DOCK3: variants seen among roughly 807,000 people sequenced by gnomAD.
The protein encoded by DOCK3 is dedicator of cytokinesis protein 3.
In DOCK3, 60 loss-of-function variants were observed where a neutral mutation model predicts 265.6. That is an observed-to-expected ratio of 0.23 (90% confidence interval 0.18 to 0.28). DOCK3 has a LOEUF of 0.28. DOCK3 is among the 10% of genes least tolerant of loss of function. DOCK3 has a pLI of 1.00. For synonymous variants in DOCK3, 881 were observed against 938.0 expected (o/e 0.94, Z 1.11); for missense variants, 1,981 against 2,594.3 (o/e 0.76, Z 5.14).
intron 1 of DOCK3, among the ~76,000 whole-genome samples, chr3:50,697,937 C>G (rs1197777917): frequency 6.6e-6 from 1 of 151,968 alleles, no homozygotes; most frequent in Non-Finnish European, 1.5e-5. Flanking sequence ...AAAATTTATT[C>G]TCATAGTAAG....
intron 5 of DOCK3, among the ~76,000 whole-genome samples, chr3:51,056,243 T>A (rs2081196895): frequency 6.6e-6 from 1 of 152,092 alleles, no homozygotes; most frequent in Admixed American, 6.6e-5. Flanking sequence ...TTTATTATTA[T>A]TATTTTTATT....
chr3:50,961,583 A>C (rs927633646), intron 5 of DOCK3, among the ~76,000 whole-genome samples: 43 of 152,368 alleles, frequency 2.8e-4, no homozygotes, highest in African/African-American at 1.0e-3. Flanking sequence ...GACTTATTCC[A>C]GGAACAAAGA....
At chr3:50,740,088 T>A (rs938866951) in intron 1 of DOCK3, among the ~76,000 whole-genome samples, 3 of 152,284 alleles carry the variant, frequency 2.0e-5, no homozygotes, top group Non-Finnish European at 2.9e-5. Context: ...TTGCATCTTC[T>A]AAGATCTTAT....
chr3:51,195,481 C>T (rs1191144448), intron 12 of DOCK3, among the ~76,000 whole-genome samples: 3 of 149,736 alleles, frequency 2.0e-5, no homozygotes, highest in Non-Finnish European at 4.5e-5. Context: ...GTGGTGAGAT[C>T]TCGGCTCACT....
chr3:50,977,697 C>A (rs2077511540), intron 5 of DOCK3, among the ~76,000 whole-genome samples: 1 of 152,120 alleles, frequency 6.6e-6, no homozygotes, highest in South Asian at 2.1e-4. Context: ...GCCTGCCTTG[C>A]TAGATTGGGG....
intron 12 of DOCK3, among the ~76,000 whole-genome samples, chr3:51,191,472 T>C (rs1201531802): frequency 6.6e-6 from 1 of 152,126 alleles, no homozygotes; most frequent in African/African-American, 2.4e-5. Context: ...TCGTCACCAC[T>C]CCGTAAATCA....
chr3:50,935,935 A>G (rs2051335005), intron 5 of DOCK3, among the ~76,000 whole-genome samples: 1 of 152,222 alleles, frequency 6.6e-6, no homozygotes, highest in Non-Finnish European at 1.5e-5. Context: ...ATTACTTGTC[A>G]TATGAAAAAT....
intron 16 of DOCK3, 66 bp downstream of exon 16, chr3:51,227,511 A>C: frequency 2.5e-6 from 4 of 1,592,134 alleles, no homozygotes; most frequent in Non-Finnish European, 3.4e-6. Context: ...CCTCTCTTGA[A>C]CAGAATTAAG....
At chr3:51,330,066 A>C in intron 32 of DOCK3, 72 bp from the exon 33 acceptor site, 1 of 1,456,798 alleles carries the variant, frequency 6.9e-7, no homozygotes, top group Non-Finnish European at 9.4e-7. Flanking sequence ...ATCCTCACCC[A>C]CCACAGGAAC....
intron 7 of DOCK3, among the ~76,000 whole-genome samples, chr3:51,079,436 A>C (rs547029015): frequency 6.6e-6 from 1 of 152,034 alleles, no homozygotes; most frequent in Admixed American, 6.6e-5. Context: ...GGGCTCCAGC[A>C]ATCTTCCCAC....
intron 33 of DOCK3, among the ~76,000 whole-genome samples, chr3:51,332,160 A>G (rs1191115866): frequency 1.3e-5 from 2 of 152,232 alleles, no homozygotes; most frequent in Non-Finnish European, 2.9e-5. Context: ...CTGCCACCCC[A>G]GGTGACTCTC....
At chr3:50,769,394 A>G (rs748169996) in intron 1 of DOCK3, among the ~76,000 whole-genome samples, 5 of 152,224 alleles carry the variant, frequency 3.3e-5, no homozygotes, top group African/African-American at 9.6e-5. Context: ...TCAGCACAAT[A>G]AAGTCCATAT....
chr3:50,865,962 A>G (rs548916573), intron 3 of DOCK3, among the ~76,000 whole-genome samples: 9 of 152,156 alleles, frequency 5.9e-5, no homozygotes, highest in Admixed American at 2.6e-4. Flanking sequence ...CTTTTGAGAA[A>G]TGTGTGTTCA....
intron 4 of DOCK3, among the ~76,000 whole-genome samples, chr3:50,931,625 TG>T (rs2051072037): frequency 6.6e-6 from 1 of 152,250 alleles, no homozygotes; most frequent in South Asian, 2.1e-4. Flanking sequence ...CCTTTTCATC[TG>T]AGAAGATCAA....
intron 27 of DOCK3, among the ~76,000 whole-genome samples, chr3:51,286,440 A>G (rs767062471): frequency 1.4e-4 from 21 of 152,334 alleles, no homozygotes; most frequent in South Asian, 4.1e-4. Context: ...TAAATTACCA[A>G]TGACATTTCT....
intron 9 of DOCK3, among the ~76,000 whole-genome samples, chr3:51,129,598 A>G (rs1436740575): frequency 1.3e-5 from 2 of 152,166 alleles, no homozygotes; most frequent in Non-Finnish European, 1.5e-5. Flanking sequence ...ATGATAGGCC[A>G]TTGAGGTCGC....
chr3:51,379,430 A>G, intron 51 of DOCK3: 4 of 985,440 alleles, frequency 4.1e-6, no homozygotes, highest in Non-Finnish European at 4.8e-6. Flanking sequence ...CCTTCATGCC[A>G]TCTGTTTCCA....
chr3:51,230,336 G>A (rs1330398830), intron 19 of DOCK3, among the ~76,000 whole-genome samples: 3 of 152,074 alleles, frequency 2.0e-5, no homozygotes, highest in African/African-American at 4.8e-5. Context: ...AGTACCTAAT[G>A]TTTAGCTCCC....
At chr3:51,273,376 CT>C (rs1254580600) in intron 24 of DOCK3, among the ~76,000 whole-genome samples, 1 of 152,162 alleles carries the variant, frequency 6.6e-6, no homozygotes, top group African/African-American at 2.4e-5. Flanking sequence ...TTGCATCTCA[CT>C]TTCATTGAAT....
Sources: gnomAD v4.1 joint callset for allele counts (sites outside exome capture counted in the v4.1 genomes callset) on GRCh38, gnomAD v4.1.1 for gene constraint, MANE v1.5 for transcripts, NCBI Gene and HGNC (gene_info 2026-07-23, HGNC 2026-07-21) for gene names.